GKAP1: variants seen among roughly 807,000 people sequenced by gnomAD.
GKAP1 encodes the protein G kinase-anchoring protein 1.
Under a neutral mutation model 56.7 loss-of-function variants are expected in GKAP1, and 31 were observed. The observed-to-expected ratio is 0.55, with a 90% confidence interval of 0.41 to 0.74. The LOEUF (loss-of-function observed/expected upper bound fraction) is 0.74. Ranked by LOEUF, GKAP1 falls within the 30% of genes least tolerant of loss-of-function variation. The probability of loss-of-function intolerance (pLI) is 0.00; values close to 1 mark genes in which losing one functional copy is unlikely to be tolerated. For synonymous variants in GKAP1, 151 were observed against 138.6 expected (o/e 1.09, Z -0.63); for missense variants, 364 against 402.3 (o/e 0.90, Z 0.82).
chr9:83,812,228 CAT>C lies in GKAP1; in HGVS notation c.-44+4766_-44+4767del, dbSNP rs200304983. Among the ~76,000 whole-genome samples the C allele has an allele frequency of 7.3e-3, 1,069 of 147,116 alleles. 6 individuals are homozygous for C. The highest frequency in any genetic ancestry group is 0.017 in the African/African-American group (660 of 39,238). On this transcript the variant is annotated intron_variant, in intron 2 of 12. Coordinates refer to ENST00000376371, the MANE Select transcript of GKAP1 (RefSeq NM_025211.4). Reference sequence around the variant, plus strand: ...ATACACATACATACATACACACACACATGTATACATATATACGTATATATGTA... The same window carrying C: ...ATACACATACATACATACACACACACGTATACATATATACGTATATATGTA...
At chr9:83,811,787 A>G (rs555237730) in intron 2 of GKAP1, among the ~76,000 whole-genome samples, 1 of 152,326 alleles carries the variant, frequency 6.6e-6, no homozygotes, top group Admixed American at 6.5e-5. Context: ...ATAACAGTAA[A>G]TATTAAAGAC....
In GKAP1 at chr9:83,768,925, T is replaced by TG; in HGVS notation, c.630dup (p.Asn211GlnfsTer2). 1 of 1,610,648 alleles carries TG rather than the reference T, an allele frequency of 6.2e-7. No homozygotes were observed. The highest frequency in any genetic ancestry group is 8.5e-7 in the Non-Finnish European group (1 of 1,178,202). ...TTATGAACATCATCTTCCAGTCTATTGAAGAATCCTCCATCATGTGATAAA... is the reference window on the plus strand; with the variant it reads ...TTATGAACATCATCTTCCAGTCTATTGGAAGAATCCTCCATCATGTGATAAA... On this transcript the variant is annotated frameshift_variant, in exon 8 of 13. Coordinates refer to ENST00000376371, the MANE Select transcript of GKAP1 (RefSeq NM_025211.4). LOFTEE classifies it high-confidence loss of function.
Position 83,742,612 on chromosome 9 carries a change from G to T in GKAP1, c.905-12C>A. 6.3e-7 allele frequency: 1 copy of T among 1,594,886 alleles called. No homozygotes were observed. On this transcript the variant is annotated splice_polypyrimidine_tract_variant and intron_variant, in intron 10 of 12. Coordinates refer to ENST00000376371, the MANE Select transcript of GKAP1 (RefSeq NM_025211.4). ...TGCCTTATCTTTCACTGACAAAAAAGGAAAAACAGCAGTATAGATTTTCCA... is the reference window on the plus strand; with the variant it reads ...TGCCTTATCTTTCACTGACAAAAAATGAAAAACAGCAGTATAGATTTTCCA...
At chr9:83,767,037 AAGAAC>A (rs1476295084) in intron 8 of GKAP1, among the ~76,000 whole-genome samples, 1 of 152,226 alleles carries the variant, frequency 6.6e-6, no homozygotes, top group Non-Finnish European at 1.5e-5. Flanking sequence ...ATATAGGGTC[AAGAAC>A]AGGTTTATAG....
intron 7 of GKAP1, among the ~76,000 whole-genome samples, chr9:83,772,813 T>G (rs929997952): frequency 6.6e-5 from 10 of 152,146 alleles, no homozygotes; most frequent in Non-Finnish European, 1.3e-4. Flanking sequence ...GAATGGCTGA[T>G]AAGCATATGA....
intron 2 of GKAP1, among the ~76,000 whole-genome samples, chr9:83,809,603 G>A (rs1367254010): frequency 6.6e-6 from 1 of 152,142 alleles, no homozygotes; most frequent in East Asian, 1.9e-4. Context: ...AGTGAGCAAG[G>A]TTTCCTTAAA....
chr9:83,796,756 C>T (rs1007035842), intron 4 of GKAP1, among the ~76,000 whole-genome samples: 19 of 152,074 alleles, frequency 1.2e-4, no homozygotes, highest in Middle Eastern at 3.2e-3. Context: ...TGTGAGCCAC[C>T]GCACCCGGCC....
intron 12 of GKAP1, 78 bp from the exon 13 acceptor site, chr9:83,739,822 C>T (rs1176284986): frequency 2.6e-6 from 3 of 1,160,846 alleles, no homozygotes; most frequent in Non-Finnish European, 3.7e-6. Flanking sequence ...AAATATAGAC[C>T]AAAGGCATCT....
At chr9:83,797,375 A>C (rs1459002926) in intron 4 of GKAP1, among the ~76,000 whole-genome samples, 1 of 152,176 alleles carries the variant, frequency 6.6e-6, no homozygotes, top group Non-Finnish European at 1.5e-5. Context: ...GTATATAGTC[A>C]TTGCCTGATC....
At chr9:83,788,456 A>G in intron 5 of GKAP1, 145 bp downstream of exon 5, 3 of 524,978 alleles carry the variant, frequency 5.7e-6, no homozygotes, top group Non-Finnish European at 1.0e-5. Flanking sequence ...TCCTATTATA[A>G]ACACTTCTTG....
intron 10 of GKAP1, among the ~76,000 whole-genome samples, chr9:83,744,298 AAC>A (rs1195120184): frequency 1.3e-5 from 2 of 152,226 alleles, no homozygotes; most frequent in Non-Finnish European, 2.9e-5. Context: ...ACTTGAACAT[AAC>A]ACAAATTTTC....
intron 7 of GKAP1, among the ~76,000 whole-genome samples, chr9:83,775,920 A>G (rs1943853952): frequency 1.3e-5 from 2 of 151,788 alleles, no homozygotes; most frequent in South Asian, 4.1e-4. Context: ...AGAAAAGAAA[A>G]AGAAATGAAT....
At chr9:83,764,814 G>A (rs1943633971) in intron 8 of GKAP1, among the ~76,000 whole-genome samples, 1 of 152,184 alleles carries the variant, frequency 6.6e-6, no homozygotes, top group Non-Finnish European at 1.5e-5. Context: ...GCTTCAGAGA[G>A]GTGACTTAGC....
chr9:83,749,637 T>C (rs1248940947), intron 9 of GKAP1, among the ~76,000 whole-genome samples: 1 of 152,136 alleles, frequency 6.6e-6, no homozygotes, highest in Non-Finnish European at 1.5e-5. Flanking sequence ...AGAAAAATCA[T>C]TTTTTTCCTC....
intron 8 of GKAP1, among the ~76,000 whole-genome samples, chr9:83,767,966 C>G (rs951175618): frequency 6.6e-6 from 1 of 152,180 alleles, no homozygotes; most frequent in East Asian, 1.9e-4. Flanking sequence ...GGATTACAGA[C>G]GTGAGCTACC....
At chr9:83,740,623 T>C (rs998904684) in intron 12 of GKAP1, among the ~76,000 whole-genome samples, 4 of 152,188 alleles carry the variant, frequency 2.6e-5, no homozygotes, top group Non-Finnish European at 4.4e-5. Flanking sequence ...TAAGCAGTAA[T>C]ATTTTTAGAA....
chr9:83,767,363 A>T (rs909854806), intron 8 of GKAP1, among the ~76,000 whole-genome samples: 11 of 145,046 alleles, frequency 7.6e-5, no homozygotes, highest in African/African-American at 2.3e-4. Context: ...TCTGTCACAT[A>T]TTTTTTTTTT....
At chr9:83,795,156 C>CAAAAAA (rs1031439217) in intron 4 of GKAP1, among the ~76,000 whole-genome samples, 5 of 64,446 alleles carry the variant, frequency 7.8e-5, no homozygotes, top group Admixed American at 1.8e-4. Context: ...GACTCCATCT[C>CAAAAAA]AAAAAAAAAA....
chr9:83,761,126 T>C (rs1291915896), intron 8 of GKAP1, among the ~76,000 whole-genome samples: 1 of 149,748 alleles, frequency 6.7e-6, no homozygotes, highest in East Asian at 2.0e-4. Flanking sequence ...AAAAAAAACC[T>C]AAAAATTAAA....
Sources: gnomAD v4.1 joint callset for allele counts (sites outside exome capture counted in the v4.1 genomes callset) on GRCh38, gnomAD v4.1.1 for gene constraint, MANE v1.5 for transcripts, NCBI Gene and HGNC (gene_info 2026-07-23, HGNC 2026-07-21) for gene names.